ANKS1B: variants seen among roughly 807,000 people sequenced by gnomAD.
ANKS1B encodes the protein ankyrin repeat and sterile alpha motif domain-containing protein 1B.
Under a neutral mutation model 148.3 loss-of-function variants are expected in ANKS1B, and 36 were observed. The observed-to-expected ratio is 0.24, with a 90% CI of 0.19 to 0.32. The LOEUF is 0.32. ANKS1B is among the 10% of genes least tolerant of loss of function. The pLI, the probability that ANKS1B is intolerant of heterozygous loss-of-function variation, is 1.00. For missense variants in ANKS1B, 1,157 were observed against 1,542.6 expected, an observed-to-expected ratio of 0.75 and a Z score of 4.19; for synonymous variants, 542 against 560.8, an observed-to-expected ratio of 0.97 and a Z score of 0.47.
At chr12:98,797,927 G>A (rs2098964756) in intron 22 of ANKS1B, among the ~76,000 whole-genome samples, 1 of 152,076 alleles carries the variant, frequency 6.6e-6, no homozygotes, top group Non-Finnish European at 1.5e-5. Context: ...ATGCTATATT[G>A]AACAAGTCTG....
chr12:99,154,681 G>A lies in ANKS1B; in HGVS notation c.2420-286C>T, dbSNP rs1181627266. The A allele has an allele frequency of 5.6e-6, 8 of 1,436,868 alleles. No individual in the cohort carries two copies. In the African/African-American group the frequency reaches 5.7e-5, roughly 10 times the overall value. 89.0% of individuals were successfully genotyped at this position (1,436,868 alleles called of 1,614,324 possible). ...GTACGTCATACAGCCCCCAAAACCA[G>A]GCAGCAGAAGAAGGCATATCAAGCT... On this transcript the variant is annotated intron_variant, in intron 14 of 26. Transcript: ENST00000683438.
rs779439721 is a variant in ANKS1B at position 99,246,806 on chromosome 12, A to C, written c.1815T>G (p.Phe605Leu). 7 of 1,612,012 alleles carry C rather than the reference A, an allele frequency of 4.3e-6. No homozygotes were observed. The highest frequency in any genetic ancestry group is 5.9e-6 in the Non-Finnish European group (7 of 1,179,494). ...GAGAGGATCCATGGAGCAGGCCTGCAAATTGCCCAGGATCATATTCTTTTG... is the reference window on the plus strand; with the variant it reads ...GAGAGGATCCATGGAGCAGGCCTGCCAATTGCCCAGGATCATATTCTTTTG... ...DPPKEYDPGQ[F>L]AGLLHGSSPA... Residue 605 changes from phenylalanine (F) to leucine (L), a missense_variant, in exon 13 of 27, where the codon TTT (phenylalanine) becomes TTG (leucine). By Grantham distance (22) the Phe-to-Leu change is conservative. Coordinates refer to ENST00000683438, the MANE Select transcript of ANKS1B (RefSeq NM_001352186.2).
intron 12 of ANKS1B, among the ~76,000 whole-genome samples, chr12:99,319,528 G>T (rs2084825964): frequency 1.3e-5 from 2 of 152,078 alleles, no homozygotes; most frequent in South Asian, 4.2e-4. Context: ...CCATTTGCTT[G>T]GTAGATCTTC....
At chr12:99,457,352 C>T (rs987648100) in intron 10 of ANKS1B, among the ~76,000 whole-genome samples, 8 of 150,988 alleles carry the variant, frequency 5.3e-5, no homozygotes, top group Non-Finnish European at 7.4e-5. Context: ...ACCTATAAAA[C>T]AACAACACTA....
At chr12:99,455,439 G>A (rs1284141579) in intron 10 of ANKS1B, among the ~76,000 whole-genome samples, 1 of 152,172 alleles carries the variant, frequency 6.6e-6, no homozygotes, top group African/African-American at 2.4e-5. Flanking sequence ...GAAAACCACA[G>A]ACCCTTTGAA....
chr12:99,456,707 A>G (rs1008802241), intron 10 of ANKS1B, among the ~76,000 whole-genome samples: 11 of 152,184 alleles, frequency 7.2e-5, no homozygotes, highest in African/African-American at 2.4e-4. Flanking sequence ...AATTAACCCA[A>G]TCTGATAAAG....
At chr12:99,251,961 C>A (rs887414747) in intron 12 of ANKS1B, among the ~76,000 whole-genome samples, 15 of 152,056 alleles carry the variant, frequency 9.9e-5, no homozygotes, top group African/African-American at 3.4e-4. Flanking sequence ...ATGGTGCCTA[C>A]ATTCCAGCAG....
intron 1 of ANKS1B, among the ~76,000 whole-genome samples, chr12:99,943,358 C>T (rs1413079318): frequency 1.3e-5 from 2 of 152,156 alleles, no homozygotes; most frequent in Non-Finnish European, 2.9e-5. Flanking sequence ...ATAAGACCTG[C>T]CCAGTGCAGA....
chr12:98,912,931 G>T (rs757566837), intron 17 of ANKS1B, among the ~76,000 whole-genome samples: 41 of 152,152 alleles, frequency 2.7e-4, no homozygotes, highest in Non-Finnish European at 4.6e-4. Flanking sequence ...TTGCAAACTG[G>T]TGGCCTAGAG....
chr12:99,176,023 A>G (rs1287033135), intron 14 of ANKS1B, among the ~76,000 whole-genome samples: 1 of 151,514 alleles, frequency 6.6e-6, no homozygotes, highest in East Asian at 1.9e-4. Flanking sequence ...ATTTTTTTGT[A>G]TTTTCAGTAG....
chr12:99,299,440 T>C (rs1470635632), intron 12 of ANKS1B, among the ~76,000 whole-genome samples: 1 of 152,204 alleles, frequency 6.6e-6, no homozygotes, highest in Non-Finnish European at 1.5e-5. Flanking sequence ...AATAAAGGCA[T>C]ACTTTTCATA....
chr12:99,716,884 T>C (rs1053626724), intron 8 of ANKS1B, among the ~76,000 whole-genome samples: 125 of 152,278 alleles, frequency 8.2e-4, no homozygotes, highest in Non-Finnish European at 1.5e-3. Flanking sequence ...CCTCAGCCTC[T>C]GCTTCTCCAC....
At chr12:99,052,751 A>AAAAAAAAG in intron 17 of ANKS1B, among the ~76,000 whole-genome samples, 2 of 144,744 alleles carry the variant, frequency 1.4e-5, no homozygotes, top group Non-Finnish European at 3.0e-5. Flanking sequence ...AAAAAAAAAA[A>AAAAAAAAG]AAAAAAAGAA....
At chr12:99,551,460 C>A (rs1205089497) in intron 9 of ANKS1B, among the ~76,000 whole-genome samples, 1 of 146,292 alleles carries the variant, frequency 6.8e-6, no homozygotes, top group African/African-American at 2.5e-5. Context: ...CGCTTTATGG[C>A]AGGAACCATA....
chr12:99,937,176 T>C (rs1182434441), intron 1 of ANKS1B, among the ~76,000 whole-genome samples: 1 of 152,164 alleles, frequency 6.6e-6, no homozygotes, highest in Non-Finnish European at 1.5e-5. Flanking sequence ...ATGGATGTGC[T>C]TCTGAGTGTT....
At chr12:98,840,613 T>C (rs1344829625) in intron 17 of ANKS1B, among the ~76,000 whole-genome samples, 1 of 152,178 alleles carries the variant, frequency 6.6e-6, no homozygotes, top group African/African-American at 2.4e-5. Context: ...TAATTGCCTC[T>C]GAACATTTAA....
At chr12:98,817,233 A>G (rs1046842031) in intron 19 of ANKS1B, among the ~76,000 whole-genome samples, 1 of 152,252 alleles carries the variant, frequency 6.6e-6, no homozygotes, top group Non-Finnish European at 1.5e-5. Flanking sequence ...GGCAGAAGAA[A>G]AAAGGGCATC....
rs532083938 is a variant in ANKS1B at position 99,975,817 on chromosome 12, G to C, written c.134+8287C>G. 2.6e-4 allele frequency among the ~76,000 whole-genome samples: 39 copies of C among 152,250 alleles called. 1 individual carries two copies. The highest frequency in any genetic ancestry group is 9.4e-4 in the African/African-American group (39 of 41,556). Reference sequence around the variant, plus strand: ...GAGATTTCTCAAAGAACCTAAAATTGCTACCATTCGACCCAGCAATCCCAT... The same window carrying C: ...GAGATTTCTCAAAGAACCTAAAATTCCTACCATTCGACCCAGCAATCCCAT... On this transcript the variant is annotated intron_variant, in intron 1 of 26. Coordinates refer to ENST00000683438, the MANE Select transcript of ANKS1B (RefSeq NM_001352186.2).
intron 15 of ANKS1B, among the ~76,000 whole-genome samples, chr12:99,130,420 TTCATCCTTATAAGCCTCCC>T (rs1351279063): frequency 6.6e-6 from 1 of 152,206 alleles, no homozygotes; most frequent in African/African-American, 2.4e-5. Flanking sequence ...TTAGGCTGAA[TTCATCCTTATAAGCCTCCC>T]TCAGCCATCC....
Sources: allele counts gnomAD v4.1 joint callset (sites outside exome capture counted in the v4.1 genomes callset), GRCh38; gene constraint gnomAD v4.1.1; transcripts MANE v1.5; gene names NCBI Gene and HGNC (gene_info 2026-07-23, HGNC 2026-07-21).